The following TGM6 variants were observed in gnomAD, a reference collection of about 807,000 sequenced individuals.
TGM6 encodes protein-glutamine gamma-glutamyltransferase 6.
In TGM6, 74 loss-of-function variants were observed where a neutral mutation model predicts 77.5. The ratio of observed to expected loss-of-function variants is 0.96; its 90% CI spans 0.79 to 1.16. TGM6 has a LOEUF of 1.16. Among genes scored for constraint, TGM6 ranks in the 50% most tolerant of loss-of-function variants. TGM6 has a pLI of 0.00. For synonymous variants in TGM6, 383 were observed against 378.9 expected, an observed-to-expected ratio of 1.01 and a Z score of -0.12; for missense variants, 968 against 940.2, an observed-to-expected ratio of 1.03 and a Z score of -0.39.
Position 2,400,368 on chromosome 20 carries a change from G to T in TGM6, c.913G>T (p.Asp305Tyr), listed in dbSNP as rs748573955. 2 of 1,614,218 alleles carry T rather than the reference G, an allele frequency of 1.2e-6. No individual in the cohort carries two copies. The highest frequency in any genetic ancestry group is 2.7e-5 in the African/African-American group (2 of 75,076). ...CAACTTCAACTCAGCCCACGACACA[G>T]ACCAGAACCTGAGTGTGGACAAATA... ...VSNFNSAHDT[D>Y]QNLSVDKYVD... The change falls in exon 7 of 13, where the codon GAC becomes TAC. Residue 305 changes from aspartate (D) to tyrosine (Y), a missense_variant. Coordinates refer to ENST00000202625, the MANE Select transcript of TGM6 (RefSeq NM_198994.3).
chr20:2,406,757 C>T (rs966437575), intron 9 of TGM6, among the ~76,000 whole-genome samples: 137 of 138,374 alleles, frequency 9.9e-4, no homozygotes, highest in African/African-American at 3.5e-3. Flanking sequence ...ATTGCTTGAA[C>T]CTGGGAGGCG....
In TGM6 at chr20:2,398,003, G is replaced by C. The variant is rs749409755; in HGVS notation, c.629G>C (p.Cys210Ser). 4 of 1,614,134 alleles carry C rather than the reference G, an allele frequency of 2.5e-6. No homozygotes were observed. The South Asian group carries it at 4.4e-5, about 18-fold the overall frequency. ...AACAACCCAGCCACCGACGTGTCCT[G>C]CCGCCACAACCCCATCTACGTCACC... ...HQNNPATDVSCRHNPIYVTRV... is the reference protein window; with the variant it reads ...HQNNPATDVSSRHNPIYVTRV... Residue 210 changes from cysteine (C) to serine (S), a missense_variant, in exon 5 of 13, where the codon TGC (cysteine) becomes TCC (serine). Cys to Ser is a moderately radical substitution (Grantham distance 112). Transcript: ENST00000202625.
chr20:2,393,265 A>G (rs557206421), intron 1 of TGM6, among the ~76,000 whole-genome samples: 5 of 152,340 alleles, frequency 3.3e-5, no homozygotes, highest in African/African-American at 1.2e-4. Context: ...CTGCCTCTTC[A>G]TTTCAGCTGT....
chr20:2,398,658 TC>T (rs2122358354), intron 5 of TGM6, among the ~76,000 whole-genome samples: 1 of 149,438 alleles, frequency 6.7e-6, no homozygotes, highest in South Asian at 2.1e-4. Flanking sequence ...TGGCACAACA[TC>T]AATTCCACCA....
At chr20:2,399,763 G>A in intron 6 of TGM6, 25 bp downstream of exon 6, 3 of 1,600,356 alleles carry the variant, frequency 1.9e-6, no homozygotes, top group Non-Finnish European at 2.6e-6. Context: ...AAGGGCCCCA[G>A]GGTACCTGTG....
At chr20:2,429,479 AAC>A (rs1160211829) in intron 10 of TGM6, among the ~76,000 whole-genome samples, 22 of 147,502 alleles carry the variant, frequency 1.5e-4, no homozygotes, top group African/African-American at 5.2e-4. Context: ...AAAAAAAAAA[AAC>A]AAATATGGTC....
chr20:2,422,963 A>AG (rs2084866641), intron 10 of TGM6, among the ~76,000 whole-genome samples: 1 of 151,362 alleles, frequency 6.6e-6, no homozygotes, highest in East Asian at 2.0e-4. Context: ...AAAAAAAAAA[A>AG]AAAGTTAACC....
intron 10 of TGM6, among the ~76,000 whole-genome samples, chr20:2,424,226 C>T (rs2084873807): frequency 6.6e-6 from 1 of 152,188 alleles, no homozygotes; most frequent in Non-Finnish European, 1.5e-5. Flanking sequence ...GACTTCTGTC[C>T]CGCTATGAAA....
chr20:2,410,047 C>G (rs1055583750), intron 9 of TGM6, among the ~76,000 whole-genome samples: 1 of 152,166 alleles, frequency 6.6e-6, no homozygotes, highest in African/African-American at 2.4e-5. Context: ...CTCTTGGAGT[C>G]TTCAGAATGA....
At position 2,403,637 on chromosome 20, in the gene TGM6, CT is replaced by C; in HGVS notation, c.1151del (p.Leu384ArgfsTer75). On this transcript the variant is annotated frameshift_variant, in exon 9 of 13. Transcript: ENST00000202625. LOFTEE classifies it high-confidence loss of function. ...CGCCATCCGCGAGGGTGATGTGCAC[CT>C]GGCTCACGATGGCCCCTTCGTGTTT... The part of the protein sequence containing the change: ...VTAIREGDVH[L>X]AHDGPFVFAE... 1 of 1,614,228 alleles carries C rather than the reference CT, an allele frequency of 6.2e-7. No individual in the cohort carries two copies. The highest frequency in any genetic ancestry group is 8.5e-7 in the Non-Finnish European group (1 of 1,180,046).
chr20:2,415,727 G>A (rs534943441), intron 9 of TGM6, among the ~76,000 whole-genome samples: 16 of 152,258 alleles, frequency 1.1e-4, no homozygotes, highest in African/African-American at 2.2e-4. Flanking sequence ...TTGTACACCC[G>A]GGCTCATGGC....
At chr20:2,381,411 C>A (rs1223739629) in intron 1 of TGM6, among the ~76,000 whole-genome samples, 2 of 152,158 alleles carry the variant, frequency 1.3e-5, no homozygotes, top group Non-Finnish European at 2.9e-5. Context: ...ATTCCCACCC[C>A]AAGCACTTGA....
intron 1 of TGM6, among the ~76,000 whole-genome samples, chr20:2,382,723 G>T (rs1361165294): frequency 6.6e-6 from 1 of 152,126 alleles, no homozygotes; most frequent in East Asian, 1.9e-4. Context: ...GAATGACTGA[G>T]ACATCAGATC....
rs372081513 is a variant in TGM6 at position 2,417,583 on chromosome 20, C to G, written c.1678+10C>G. On this transcript the variant is annotated intron_variant, in intron 10 of 12. Transcript: ENST00000202625. The stretch of plus-strand genomic sequence containing the variant: ...CTGGGGCCGCAAGAAGGTAAGTGTA[C>G]GCTGGCTTGGTGGAATCAGGCCAAA... 4 of 1,594,386 alleles carry G rather than the reference C, an allele frequency of 2.5e-6. No individual in the cohort carries two copies. The highest frequency in any genetic ancestry group is 1.7e-6 in the Non-Finnish European group (2 of 1,177,370).
chr20:2,393,498 A>G (rs570724395), intron 1 of TGM6, among the ~76,000 whole-genome samples: 7 of 152,312 alleles, frequency 4.6e-5, no homozygotes, highest in Admixed American at 2.0e-4. Context: ...GCTGGCCACA[A>G]GTTCAATATT....
At position 2,397,390 on chromosome 20, in the gene TGM6, G is replaced by T. The variant is rs545959288; in HGVS notation, c.544-528G>T. ...TCACGCACTGCCCTGCAGGCCAGGG[G>T]TTTAAAGGCTTTGGGATTCGGGTGC... On this transcript the variant is annotated intron_variant, in intron 4 of 12. Transcript: ENST00000202625. Among the ~76,000 whole-genome samples the T allele has an allele frequency of 2.6e-5, 4 of 152,280 alleles. No homozygotes were observed. The East Asian group carries it at 7.7e-4, about 29-fold the overall frequency.
chr20:2,414,732 G>A (rs1599959416), intron 9 of TGM6, among the ~76,000 whole-genome samples: 1 of 152,174 alleles, frequency 6.6e-6, no homozygotes. Flanking sequence ...AAGGAACGCA[G>A]TACTGATACA....
intron 1 of TGM6, among the ~76,000 whole-genome samples, chr20:2,387,234 G>A (rs901628298): frequency 6.6e-6 from 1 of 152,188 alleles, no homozygotes; most frequent in Non-Finnish European, 1.5e-5. Context: ...CTAAACCAAG[G>A]TCATCTGAGC....
At chr20:2,429,555 G>A (rs1381083795) in intron 10 of TGM6, among the ~76,000 whole-genome samples, 2 of 152,120 alleles carry the variant, frequency 1.3e-5, no homozygotes, top group East Asian at 3.9e-4. Context: ...AGGATCATGA[G>A]GTCAAAAGAT....
Sources: allele counts gnomAD v4.1 joint callset (sites outside exome capture counted in the v4.1 genomes callset), GRCh38; gene constraint gnomAD v4.1.1; transcripts MANE v1.5; gene names NCBI Gene and HGNC (gene_info 2026-07-23, HGNC 2026-07-21).